The following DGKB variants were observed in gnomAD, a reference collection of about 807,000 sequenced individuals.
The protein encoded by DGKB is diacylglycerol kinase beta, also known as 90 kDa diacylglycerol kinase.
DGKB carries 67 observed loss-of-function variants against 114.3 expected under a neutral mutation model. That is an observed-to-expected ratio of 0.59 (90% CI 0.48 to 0.72). DGKB has a LOEUF of 0.72. DGKB is among the 30% of genes least tolerant of loss of function. DGKB has a pLI of 0.00. For synonymous variants in DGKB, 398 were observed against 323.1 expected (o/e 1.23, Z -2.49); for missense variants, 907 against 975.2 (o/e 0.93, Z 0.93).
intron 20 of DGKB, among the ~76,000 whole-genome samples, chr7:14,486,060 CT>C (rs1034124944): frequency 6.6e-6 from 1 of 152,032 alleles, no homozygotes; most frequent in Admixed American, 6.6e-5. Flanking sequence ...CCACTTCATT[CT>C]TTTTTTTAAA....
intron 23 of DGKB, among the ~76,000 whole-genome samples, chr7:14,216,060 T>C (rs1265369459): frequency 6.6e-6 from 1 of 152,188 alleles, no homozygotes; most frequent in Non-Finnish European, 1.5e-5. Flanking sequence ...CATTCTTGCC[T>C]TCCTGGAGTT....
At chr7:14,877,024 G>A (rs1162898136) in intron 1 of DGKB, among the ~76,000 whole-genome samples, 2 of 152,074 alleles carry the variant, frequency 1.3e-5, no homozygotes, top group Non-Finnish European at 2.9e-5. Context: ...TTAGTGCTAC[G>A]AAGAAGCACT....
chr7:14,604,882 C>G (rs942074737), intron 17 of DGKB, among the ~76,000 whole-genome samples: 1 of 152,128 alleles, frequency 6.6e-6, no homozygotes, highest in African/African-American at 2.4e-5. Flanking sequence ...TAACAGAAGT[C>G]TGAGTCTGAC....
rs182070515 is a variant in DGKB at position 14,650,983 on chromosome 7, G to A, written c.1135-20715C>T. Among the ~76,000 whole-genome samples, 845 of 152,010 alleles carry A rather than the reference G, an allele frequency of 5.6e-3. 10 individuals carry two copies. The highest frequency in any genetic ancestry group is 0.02 in the African/African-American group (808 of 41,332). ...ATCTCTTAATAGACCAATAACAGGAGCTGAAACTGTGGCAATAATCAATAG... is the reference window on the plus strand; with the variant it reads ...ATCTCTTAATAGACCAATAACAGGAACTGAAACTGTGGCAATAATCAATAG... On this transcript the variant is annotated intron_variant, in intron 13 of 25. Coordinates refer to ENST00000402815, the MANE Select transcript of DGKB (RefSeq NM_001350709.2).
chr7:14,707,456 A>C (rs1033391065), intron 6 of DGKB, among the ~76,000 whole-genome samples: 8 of 136,190 alleles, frequency 5.9e-5, no homozygotes, highest in South Asian at 5.5e-4. Flanking sequence ...AATCCTCCCT[A>C]ACTCATTTGA....
chr7:14,471,071 T>C (rs1001021664), intron 21 of DGKB, among the ~76,000 whole-genome samples: 22 of 150,944 alleles, frequency 1.5e-4, no homozygotes, highest in African/African-American at 5.1e-4. Flanking sequence ...GTTCTATTAC[T>C]CTAGTCTGTG....
intron 19 of DGKB, among the ~76,000 whole-genome samples, chr7:14,574,834 T>C (rs989502655): frequency 1.3e-5 from 2 of 152,220 alleles, no homozygotes; most frequent in Non-Finnish European, 2.9e-5. Context: ...TCTAGTGATA[T>C]AAAACTTTCA....
At chr7:14,769,109 GAAA>G (rs1562487295) in intron 2 of DGKB, among the ~76,000 whole-genome samples, 18 of 112,044 alleles carry the variant, frequency 1.6e-4, no homozygotes, top group African/African-American at 7.0e-4. Context: ...AAGAAAGAAA[GAAA>G]GAAAGAAAGA....
intron 21 of DGKB, among the ~76,000 whole-genome samples, chr7:14,374,387 G>C (rs1214300881): frequency 1.3e-5 from 2 of 152,092 alleles, no homozygotes; most frequent in South Asian, 4.1e-4. Context: ...TTTTTGGTTT[G>C]ATAGAGTGCT....
At chr7:14,489,949 GTGGAACCAGAACTAGAAATA>G (rs1784376340) in intron 20 of DGKB, among the ~76,000 whole-genome samples, 1 of 152,138 alleles carries the variant, frequency 6.6e-6, no homozygotes, top group Non-Finnish European at 1.5e-5. Context: ...GGATAGTGTG[GTGGAACCAGAACTAGAAATA>G]ATATAACTTT....
chr7:14,856,125 G>A (rs1445452422), intron 1 of DGKB, among the ~76,000 whole-genome samples: 1 of 151,890 alleles, frequency 6.6e-6, no homozygotes, highest in Non-Finnish European at 1.5e-5. Flanking sequence ...TCAGATATAA[G>A]TCTAATGGCA....
chr7:14,417,133 A>G (rs1054395755), intron 21 of DGKB, among the ~76,000 whole-genome samples: 8 of 152,094 alleles, frequency 5.3e-5, no homozygotes, highest in African/African-American at 1.9e-4. Flanking sequence ...AACGACACTT[A>G]AGTTCTCTGC....
chr7:14,758,217 A>C (rs1056146102), intron 2 of DGKB, among the ~76,000 whole-genome samples: 1 of 152,084 alleles, frequency 6.6e-6, no homozygotes, highest in African/African-American at 2.4e-5. Context: ...TCAATGAAGA[A>C]ACAAAGCTTA....
chr7:14,962,595 G>T (rs1054930622), intron 1 of DGKB, among the ~76,000 whole-genome samples: 1 of 151,284 alleles, frequency 6.6e-6, no homozygotes, highest in Non-Finnish European at 1.5e-5. Context: ...AATATTTATG[G>T]AGTGCTTTGT....
In DGKB at chr7:14,338,514, C is replaced by A; in HGVS notation, c.2122+1G>T. The A allele has an allele frequency of 6.4e-7, 1 of 1,552,702 alleles. No homozygotes were observed. On this transcript the variant is annotated splice_donor_variant, in intron 23 of 25. Coordinates refer to ENST00000402815, the MANE Select transcript of DGKB (RefSeq NM_001350709.2). LOFTEE classifies it high-confidence loss of function. ...TAACAACTAATTGTTAGAAAACTGA[C>A]CTTGACTTGCAAACTTCAACTCTTT...
At chr7:14,935,122 T>A (rs1785209227) in intron 1 of DGKB, among the ~76,000 whole-genome samples, 1 of 152,166 alleles carries the variant, frequency 6.6e-6, no homozygotes, top group Non-Finnish European at 1.5e-5. Flanking sequence ...TGTGTTCTAA[T>A]GAGACCGCAA....
At chr7:14,316,670 A>AC (rs1425932205) in intron 23 of DGKB, among the ~76,000 whole-genome samples, 1 of 143,656 alleles carries the variant, frequency 7.0e-6, no homozygotes. Context: ...AGAGTCCAGG[A>AC]CCAGATGGAT....
intron 23 of DGKB, among the ~76,000 whole-genome samples, chr7:14,280,069 G>C (rs1053810255): frequency 2.0e-5 from 3 of 151,882 alleles, no homozygotes; most frequent in Non-Finnish European, 4.4e-5. Flanking sequence ...TCTGAGCTAT[G>C]GGAGGACATT....
chr7:14,736,245 A>C (rs531802184), intron 4 of DGKB, 51 bp from the exon 5 acceptor site: 1 of 1,219,542 alleles, frequency 8.2e-7, no homozygotes, highest in African/African-American at 1.5e-5. Context: ...CAAATGTTAA[A>C]ATTCTGTGCT....
Sources: gnomAD v4.1 joint callset for allele counts (sites outside exome capture counted in the v4.1 genomes callset) on GRCh38, gnomAD v4.1.1 for gene constraint, MANE v1.5 for transcripts, NCBI Gene and HGNC (gene_info 2026-07-23, HGNC 2026-07-21) for gene names.